Variants in CCDC102B observed in about 807,000 individuals in gnomAD.
CCDC102B encodes coiled-coil domain-containing protein 102B.
Under a neutral mutation model 57.4 loss-of-function variants are expected in CCDC102B, and 75 were observed. The ratio of observed to expected loss-of-function variants is 1.31; its 90% CI spans 1.08 to 1.58. The LOEUF (loss-of-function observed/expected upper bound fraction) is 1.58, where lower values mean the gene tolerates loss of function less well. Ranked by LOEUF, CCDC102B falls within the 40% of genes most tolerant of loss-of-function variation. The probability of loss-of-function intolerance (pLI) is 0.00; values close to 1 mark genes in which losing one functional copy is unlikely to be tolerated. For synonymous variants in CCDC102B, 206 were observed against 201.9 expected, an observed-to-expected ratio of 1.02 and a Z score of -0.17; for missense variants, 636 against 582.6, an observed-to-expected ratio of 1.09 and a Z score of -0.94.
chr18:69,007,791 T>C (rs1326054756), intron 6 of CCDC102B, among the ~76,000 whole-genome samples: 1 of 152,250 alleles, frequency 6.6e-6, no homozygotes, highest in East Asian at 1.9e-4. Context: ...AGAACATGAA[T>C]GCCAGGGCTC....
intron 2 of CCDC102B, among the ~76,000 whole-genome samples, chr18:68,728,573 G>A (rs1025498825): frequency 3.9e-5 from 6 of 152,182 alleles, no homozygotes; most frequent in African/African-American, 1.4e-4. Flanking sequence ...GCTGTGACCT[G>A]AAGCAGGCAG....
chr18:68,728,966 C>A (rs899826239), intron 2 of CCDC102B, among the ~76,000 whole-genome samples: 1 of 150,420 alleles, frequency 6.6e-6, no homozygotes, highest in African/African-American at 2.5e-5. Flanking sequence ...ATGTATTCTG[C>A]GGGAGTAAAT....
intron 6 of CCDC102B, among the ~76,000 whole-genome samples, chr18:68,945,349 G>A (rs896471512): frequency 4.6e-5 from 7 of 151,988 alleles, no homozygotes; most frequent in African/African-American, 1.7e-4. Context: ...AAATCTGTCA[G>A]TGTAACCAAA....
chr18:68,802,663 T>C (rs530730512), intron 1 of CCDC102B, among the ~76,000 whole-genome samples: 5 of 152,208 alleles, frequency 3.3e-5, no homozygotes, highest in Admixed American at 2.0e-4. Context: ...GTCCATTCAT[T>C]GTCTATGGTT....
At position 68,911,475 on chromosome 18, in the gene CCDC102B, G is replaced by A. The variant is rs970386435; in HGVS notation, c.1263+14047G>A. Among the ~76,000 whole-genome samples, 12 of 150,908 alleles carry A rather than the reference G, an allele frequency of 8.0e-5. 1 individual carries two copies. The highest frequency in any genetic ancestry group is 2.1e-4 in the South Asian group (1 of 4,770). Reference sequence around the variant, plus strand: ...AGGATGGAGAAGATCAGAAAAGGCCGGGCGCGGTGGCTCACGCCTGTAATC... The same window carrying A: ...AGGATGGAGAAGATCAGAAAAGGCCAGGCGCGGTGGCTCACGCCTGTAATC... On this transcript the variant is annotated intron_variant, in intron 6 of 7. Coordinates refer to ENST00000360242, the MANE Select transcript of CCDC102B (RefSeq NM_024781.3).
chr18:68,954,207 G>A (rs1437856724), intron 6 of CCDC102B, among the ~76,000 whole-genome samples: 1 of 152,098 alleles, frequency 6.6e-6, no homozygotes, highest in African/African-American at 2.4e-5. Flanking sequence ...ATCACCTGAG[G>A]TCAGGAGTTT....
At chr18:68,958,164 A>T (rs1005779085) in intron 6 of CCDC102B, among the ~76,000 whole-genome samples, 1 of 152,120 alleles carries the variant, frequency 6.6e-6, no homozygotes, top group South Asian at 2.1e-4. Context: ...CATGGGAAAG[A>T]CCTGCCCTGG....
In CCDC102B at chr18:69,055,139, A is replaced by T; in HGVS notation, c.*1002A>T. 2.0e-6 allele frequency: 2 copies of T among 982,400 alleles called. No homozygotes were observed. Among genetic ancestry groups the T allele is most frequent in the Non-Finnish European group, 2.4e-6 (2 of 827,226 alleles). 60.9% of individuals were successfully genotyped at this position (982,400 alleles called of 1,614,324 possible). On this transcript the variant is annotated 3_prime_UTR_variant, in exon 8 of 8. Coordinates refer to ENST00000360242, the MANE Select transcript of CCDC102B (RefSeq NM_024781.3). Reference sequence around the variant, plus strand: ...CCCCTCCATTGATTAGCCAAAAAAAAATGAAATCTTACTAATTCATTATTG... The same window carrying T: ...CCCCTCCATTGATTAGCCAAAAAAATATGAAATCTTACTAATTCATTATTG...
intron 2 of CCDC102B, among the ~76,000 whole-genome samples, chr18:68,733,603 A>G (rs1038629118): frequency 1.3e-5 from 2 of 151,214 alleles, no homozygotes; most frequent in Non-Finnish European, 2.9e-5. Context: ...TTTTATTGCA[A>G]TAAACCCTTA....
intron 2 of CCDC102B, among the ~76,000 whole-genome samples, chr18:68,739,690 T>C (rs2033301310): frequency 6.6e-6 from 1 of 152,222 alleles, no homozygotes; most frequent in African/African-American, 2.4e-5. Flanking sequence ...AATCAGAGAC[T>C]GTTTTACAAA....
At chr18:68,917,041 C>A (rs1168278190) in intron 6 of CCDC102B, among the ~76,000 whole-genome samples, 2 of 152,156 alleles carry the variant, frequency 1.3e-5, no homozygotes, top group African/African-American at 4.8e-5. Flanking sequence ...TTTGAAATAA[C>A]GATTTTGCCT....
At chr18:68,783,718 T>C (rs2035084998) in intron 2 of CCDC102B, among the ~76,000 whole-genome samples, 1 of 152,218 alleles carries the variant, frequency 6.6e-6, no homozygotes. Flanking sequence ...AAAAATGTCT[T>C]GTCTGATTTA....
intron 7 of CCDC102B, among the ~76,000 whole-genome samples, chr18:69,027,581 AGTTT>A (rs1177129255): frequency 2.6e-5 from 4 of 152,162 alleles, no homozygotes; most frequent in Admixed American, 2.0e-4. Context: ...AAGCTCTGAC[AGTTT>A]GTTTAAAATC....
chr18:69,031,694 A>G (rs188000692), intron 7 of CCDC102B, among the ~76,000 whole-genome samples: 195 of 152,158 alleles, frequency 1.3e-3, no homozygotes, highest in African/African-American at 4.4e-3. Context: ...CTTATGTTCT[A>G]TGAAGGTTTC....
At chr18:68,749,245 T>A (rs1217479209) in intron 2 of CCDC102B, among the ~76,000 whole-genome samples, 3 of 152,136 alleles carry the variant, frequency 2.0e-5, no homozygotes, top group East Asian at 3.8e-4. Context: ...CTTAGGATTG[T>A]CTTGGCAATG....
intron 6 of CCDC102B, among the ~76,000 whole-genome samples, chr18:68,911,928 G>A (rs1468414199): frequency 6.6e-6 from 1 of 151,430 alleles, no homozygotes; most frequent in Non-Finnish European, 1.5e-5. Context: ...GAACTAAAAT[G>A]TCAGCATACA....
intron 1 of CCDC102B, among the ~76,000 whole-genome samples, chr18:68,824,526 G>T (rs1300417719): frequency 6.6e-6 from 1 of 152,146 alleles, no homozygotes; most frequent in African/African-American, 2.4e-5. Context: ...CTCTGGCCAG[G>T]ATTTCGAGTA....
At chr18:68,955,443 C>G (rs186793919) in intron 6 of CCDC102B, among the ~76,000 whole-genome samples, 1 of 152,212 alleles carries the variant, frequency 6.6e-6, no homozygotes, top group East Asian at 1.9e-4. Flanking sequence ...CATTAAGTAC[C>G]TTGCACCAAC....
At chr18:68,786,527 T>C (rs1173637774) in intron 2 of CCDC102B, among the ~76,000 whole-genome samples, 12 of 143,270 alleles carry the variant, frequency 8.4e-5, no homozygotes, top group African/African-American at 2.4e-4. Context: ...CAGTTCTCCT[T>C]GAAGAGGTCC....
Sources: gnomAD v4.1 joint callset for allele counts (sites outside exome capture counted in the v4.1 genomes callset) on GRCh38, gnomAD v4.1.1 for gene constraint, MANE v1.5 for transcripts, NCBI Gene and HGNC (gene_info 2026-07-23, HGNC 2026-07-21) for gene names.